Variants in DOCK3 observed in about 807,000 individuals in gnomAD.
DOCK3 encodes the protein dedicator of cytokinesis protein 3.
A neutral mutation model predicts 265.6 loss-of-function variants in DOCK3; 60 were observed. The observed-to-expected ratio is 0.23, with a 90% CI of 0.18 to 0.28. The LOEUF (loss-of-function observed/expected upper bound fraction) is 0.28. Ranked by LOEUF, DOCK3 falls within the 10% of genes least tolerant of loss-of-function variation. DOCK3 has a pLI of 1.00. For missense variants in DOCK3, 1,981 were observed against 2,594.3 expected, an observed-to-expected ratio of 0.76 and a Z score of 5.14; for synonymous variants, 881 against 938.0, an observed-to-expected ratio of 0.94 and a Z score of 1.11.
rs182956346 is a variant in DOCK3 at position 51,266,342 on chromosome 3, T to C, written c.2356-4473T>C. Among the ~76,000 whole-genome samples, 420 of 152,268 alleles carry C rather than the reference T, an allele frequency of 2.8e-3. 3 individuals carry two copies. Among genetic ancestry groups the C allele is most frequent in the African/African-American group, 9.7e-3 (404 of 41,558 alleles). Reference sequence around the variant, plus strand: ...AGAAAAAACTACTTTAAAGTTCATATGGAACCAAAAAAGAGCCCGCATTGC... The same window carrying C: ...AGAAAAAACTACTTTAAAGTTCATACGGAACCAAAAAAGAGCCCGCATTGC... On this transcript the variant is annotated intron_variant, in intron 23 of 52. Transcript: ENST00000266037.
intron 2 of DOCK3, among the ~76,000 whole-genome samples, chr3:50,788,589 G>A (rs2042303881): frequency 1.3e-5 from 2 of 152,206 alleles, no homozygotes; most frequent in Non-Finnish European, 2.9e-5. Flanking sequence ...GTCCTTCCCT[G>A]CAGTGGGGGG....
Position 51,053,826 on chromosome 3 carries a change from T to C in DOCK3, c.316-10622T>C, listed in dbSNP as rs144775975. Among the ~76,000 whole-genome samples, 630 of 152,292 alleles carry C rather than the reference T, an allele frequency of 4.1e-3. 1 individual carries two copies. The highest frequency in any genetic ancestry group is 6.5e-3 in the Non-Finnish European group (441 of 68,022). ...TTCCTTTGTTGTGTAACCTTGTTTTTCTTAGGGTTAATAATTGTTTCTCCT... is the reference window on the plus strand; with the variant it reads ...TTCCTTTGTTGTGTAACCTTGTTTTCCTTAGGGTTAATAATTGTTTCTCCT... On this transcript the variant is annotated intron_variant, in intron 5 of 52. Coordinates refer to ENST00000266037, the MANE Select transcript of DOCK3 (RefSeq NM_004947.5).
intron 21 of DOCK3, among the ~76,000 whole-genome samples, chr3:51,246,218 G>A (rs958516821): frequency 6.9e-6 from 1 of 145,944 alleles, no homozygotes; most frequent in Admixed American, 7.0e-5. Flanking sequence ...ATCCAGTCCA[G>A]GTCTTTAGGA....
At chr3:50,985,934 A>T (rs2077885843) in intron 5 of DOCK3, among the ~76,000 whole-genome samples, 1 of 151,958 alleles carries the variant, frequency 6.6e-6, no homozygotes, top group Admixed American at 6.5e-5. Context: ...AATCTATTTT[A>T]AAAGTTTTAA....
chr3:50,979,767 T>G (rs1230575573), intron 5 of DOCK3, among the ~76,000 whole-genome samples: 3 of 152,268 alleles, frequency 2.0e-5, no homozygotes, highest in Non-Finnish European at 4.4e-5. Flanking sequence ...TTCTTTTTGA[T>G]ATATAGAAAT....
chr3:51,102,546 A>G (rs1350518261), intron 9 of DOCK3, among the ~76,000 whole-genome samples: 1 of 152,212 alleles, frequency 6.6e-6, no homozygotes, highest in Non-Finnish European at 1.5e-5. Context: ...TGGAAAATTG[A>G]GTGACATATA....
At chr3:51,092,081 G>A (rs908958646) in intron 9 of DOCK3, among the ~76,000 whole-genome samples, 2 of 152,182 alleles carry the variant, frequency 1.3e-5, no homozygotes, top group African/African-American at 2.4e-5. Flanking sequence ...CTGGGTAGCT[G>A]TTTGAGCAGG....
At chr3:50,819,911 G>A (rs1576537294) in intron 2 of DOCK3, among the ~76,000 whole-genome samples, 1 of 152,136 alleles carries the variant, frequency 6.6e-6, no homozygotes, top group Non-Finnish European at 1.5e-5. Context: ...GCAGTGACCC[G>A]AGATCGCATC....
intron 2 of DOCK3, among the ~76,000 whole-genome samples, chr3:50,841,101 G>T (rs1184471333): frequency 2.0e-5 from 3 of 152,192 alleles, no homozygotes; most frequent in African/African-American, 7.2e-5. Flanking sequence ...AAATTGAGAA[G>T]AGTTGGCAGT....
intron 12 of DOCK3, among the ~76,000 whole-genome samples, chr3:51,165,766 GC>G (rs2086370427): frequency 6.6e-6 from 1 of 152,086 alleles, no homozygotes; most frequent in South Asian, 2.1e-4. Context: ...TGTCACAAAA[GC>G]AGGATTCCCT....
chr3:50,976,600 T>C (rs980473886), intron 5 of DOCK3, among the ~76,000 whole-genome samples: 4 of 150,364 alleles, frequency 2.7e-5, no homozygotes, highest in African/African-American at 9.8e-5. Flanking sequence ...GGTGTGGTGC[T>C]GAAAAAAATG....
intron 2 of DOCK3, among the ~76,000 whole-genome samples, chr3:50,795,344 C>G (rs1241333541): frequency 6.6e-6 from 1 of 152,114 alleles, no homozygotes; most frequent in Non-Finnish European, 1.5e-5. Flanking sequence ...TTACACACTC[C>G]CTGTCTCTTT....
chr3:51,244,352 A>G (rs538086507), intron 21 of DOCK3, among the ~76,000 whole-genome samples: 4 of 152,254 alleles, frequency 2.6e-5, no homozygotes, highest in African/African-American at 9.6e-5. Flanking sequence ...ACGTATTTCC[A>G]TTTATTGCTA....
intron 4 of DOCK3, chr3:50,900,731 C>T (rs1175807584): frequency 8.9e-6 from 4 of 450,712 alleles, no homozygotes; most frequent in African/African-American, 6.0e-5. Flanking sequence ...AATGGTCAGG[C>T]TCCTCTGCTG....
chr3:51,244,149 A>G (rs1415020813), intron 21 of DOCK3, among the ~76,000 whole-genome samples: 1 of 151,854 alleles, frequency 6.6e-6, no homozygotes, highest in African/African-American at 2.4e-5. Context: ...TGAGACTGCA[A>G]TTTTGTTCCT....
chr3:51,074,984 C>G (rs2082006616), intron 6 of DOCK3, among the ~76,000 whole-genome samples: 1 of 152,034 alleles, frequency 6.6e-6, no homozygotes, highest in Admixed American at 6.6e-5. Context: ...CCTAATGAAA[C>G]TAATGCATAA....
intron 2 of DOCK3, 51 bp downstream of exon 2, chr3:50,778,809 T>G: frequency 7.9e-7 from 1 of 1,266,780 alleles, no homozygotes; most frequent in Non-Finnish European, 1.1e-6. Context: ...TTGGCAGTAT[T>G]ATATACATTT....
intron 9 of DOCK3, among the ~76,000 whole-genome samples, chr3:51,141,701 T>C (rs2085075512): frequency 6.6e-6 from 1 of 152,160 alleles, no homozygotes; most frequent in Admixed American, 6.5e-5. Context: ...TCTCCAAGAA[T>C]GGCTTTTAGA....
intron 4 of DOCK3, among the ~76,000 whole-genome samples, chr3:50,918,329 C>G (rs192169739): frequency 6.6e-6 from 1 of 152,134 alleles, no homozygotes; most frequent in Non-Finnish European, 1.5e-5. Flanking sequence ...CTTGAGGAAT[C>G]GCCACACTGT....
Sources: allele counts gnomAD v4.1 joint callset (sites outside exome capture counted in the v4.1 genomes callset), GRCh38; gene constraint gnomAD v4.1.1; transcripts MANE v1.5; gene names NCBI Gene and HGNC (gene_info 2026-07-23, HGNC 2026-07-21).